GRM1: variants seen among roughly 807,000 people sequenced by gnomAD.
GRM1 encodes glutamate metabotropic receptor 1, also known as metabotropic glutamate receptor 1.
In GRM1, 33 loss-of-function variants were observed where a neutral mutation model predicts 90.9. That is an observed-to-expected ratio of 0.36 (90% CI 0.28 to 0.49). The LOEUF is 0.49. Among genes scored for constraint, GRM1 ranks in the 20% least tolerant of loss-of-function variants. The pLI is 0.99. For synonymous variants in GRM1, 700 were observed against 613.2 expected (o/e 1.14, Z -2.09); for missense variants, 1,190 against 1,534.3 (o/e 0.78, Z 3.75).
At chr6:146,306,328 G>A (rs1313169798) in intron 3 of GRM1, among the ~76,000 whole-genome samples, 1 of 152,132 alleles carries the variant, frequency 6.6e-6, no homozygotes, top group East Asian at 1.9e-4. Flanking sequence ...ATCCAAGACA[G>A]TCTCCTTATT....
Position 146,094,265 on chromosome 6 carries a change from G to A in GRM1, c.700+64048G>A, listed in dbSNP as rs76224826. 1.9e-3 allele frequency among the ~76,000 whole-genome samples: 283 copies of A among 152,174 alleles called. 5 individuals are homozygous for A. The East Asian group carries it at 0.027, about 15-fold the overall frequency. On this transcript the variant is annotated intron_variant, in intron 1 of 7. Coordinates refer to ENST00000282753, the MANE Select transcript of GRM1 (RefSeq NM_001278064.2). ...AATTGTTGAGAAAGTGTGAGTGCTT[G>A]GAATGGTAAATCTGTGGTGACTGTC...
intron 1 of GRM1, among the ~76,000 whole-genome samples, chr6:146,110,126 C>G (rs535861839): frequency 1.3e-5 from 2 of 151,982 alleles, no homozygotes; most frequent in Non-Finnish European, 2.9e-5. Context: ...TGGGAGGGCA[C>G]GATTGGTTTT....
chr6:146,433,928 G>A lies in GRM1; in HGVS notation c.2717G>A (p.Gly906Glu). The A allele has an allele frequency of 6.2e-7, 1 of 1,613,820 alleles. No individual in the cohort carries two copies. Among genetic ancestry groups the A allele is most frequent in the Non-Finnish European group, 8.5e-7 (1 of 1,179,754 alleles). Residue 906 changes from glycine (G) to glutamate (E), a missense_variant, in exon 8 of 8, where the codon GGA becomes GAA. This residue lies in a region of GRM1 where 400 missense variants were observed against 360.8 expected (regional missense o/e 1.11). Coordinates refer to ENST00000282753, the MANE Select transcript of GRM1 (RefSeq NM_001278064.2). ...SEPGGGQVPK[G>E]QHMWHRLSVH... ...CCAGGTGGAGGACAGGTGCCCAAGG[G>A]ACAGCATATGTGGCACCGCCTCTCT...
chr6:146,387,098 C>G, intron 6 of GRM1, 82 bp downstream of exon 6: 1 of 1,246,196 alleles, frequency 8.0e-7, no homozygotes, highest in Non-Finnish European at 1.2e-6. Flanking sequence ...GAATGATTAG[C>G]TCATGTCTTC....
At chr6:146,243,556 G>C (rs1242059402) in intron 2 of GRM1, among the ~76,000 whole-genome samples, 1 of 152,058 alleles carries the variant, frequency 6.6e-6, no homozygotes, top group Non-Finnish European at 1.5e-5. Flanking sequence ...GATTTTCAAA[G>C]GGGAGGGAGT....
intron 2 of GRM1, among the ~76,000 whole-genome samples, chr6:146,227,314 C>T (rs1408947815): frequency 6.6e-6 from 1 of 151,972 alleles, no homozygotes; most frequent in Non-Finnish European, 1.5e-5. Flanking sequence ...GGGGATGAAC[C>T]TACATTGACA....
At chr6:146,377,416 A>G (rs1222961419) in intron 5 of GRM1, among the ~76,000 whole-genome samples, 2 of 152,098 alleles carry the variant, frequency 1.3e-5, no homozygotes, top group African/African-American at 4.8e-5. Context: ...TAGAAATTGG[A>G]GTAAAGGTCA....
At chr6:146,365,373 A>T (rs9403775) in intron 5 of GRM1, 29,897 of 152,188 alleles carry the variant, frequency 0.2, 3,871 homozygotes, top group African/African-American at 0.37. Context: ...ACTCCCACTC[A>T]GACCTATATC....
chr6:146,107,653 A>G (rs1014633972), intron 1 of GRM1, among the ~76,000 whole-genome samples: 1 of 152,222 alleles, frequency 6.6e-6, no homozygotes, highest in Non-Finnish European at 1.5e-5. Flanking sequence ...ATTTGCATTT[A>G]TCTCATAAAC....
At chr6:146,164,305 A>G (rs1777835836) in intron 2 of GRM1, among the ~76,000 whole-genome samples, 2 of 152,156 alleles carry the variant, frequency 1.3e-5, no homozygotes, top group South Asian at 4.1e-4. Flanking sequence ...CAAACTTACT[A>G]CTGAACCATA....
At chr6:146,337,996 T>C (rs1317302173) in intron 3 of GRM1, among the ~76,000 whole-genome samples, 4 of 152,194 alleles carry the variant, frequency 2.6e-5, no homozygotes, top group Admixed American at 6.5e-5. Context: ...TGCTATGATT[T>C]TTCCTGGGGG....
At chr6:146,200,731 G>T (rs1372440662) in intron 2 of GRM1, among the ~76,000 whole-genome samples, 1 of 152,124 alleles carries the variant, frequency 6.6e-6, no homozygotes, top group Non-Finnish European at 1.5e-5. Flanking sequence ...GCATATGAAG[G>T]ATAAGGGGAA....
chr6:146,078,679 G>C (rs1256438994), intron 1 of GRM1, among the ~76,000 whole-genome samples: 1 of 152,152 alleles, frequency 6.6e-6, no homozygotes, highest in Non-Finnish European at 1.5e-5. Flanking sequence ...ATGTTATACA[G>C]TATTTAAAAT....
intron 1 of GRM1, among the ~76,000 whole-genome samples, chr6:146,124,767 A>T (rs554577308): frequency 6.6e-6 from 1 of 152,180 alleles, no homozygotes; most frequent in Non-Finnish European, 1.5e-5. Flanking sequence ...ATAACTTTAA[A>T]TGCATGCTTA....
At chr6:146,404,918 C>A (rs1424646216) in intron 7 of GRM1, among the ~76,000 whole-genome samples, 2 of 152,104 alleles carry the variant, frequency 1.3e-5, no homozygotes, top group African/African-American at 4.8e-5. Context: ...AAATAAAAGC[C>A]TTAAACTAGA....
Position 146,118,210 on chromosome 6 carries a change from G to A in GRM1, c.701-41138G>A, listed in dbSNP as rs547195358. Among the ~76,000 whole-genome samples the A allele has an allele frequency of 1.5e-4, 20 of 133,290 alleles. No homozygotes were observed. The South Asian group carries it at 4.7e-3, about 32-fold the overall frequency. The allele number at this position is 133,290 out of a possible 152,430, so 87.4% of individuals were successfully genotyped here. On this transcript the variant is annotated intron_variant, in intron 1 of 7. Coordinates refer to ENST00000282753, the MANE Select transcript of GRM1 (RefSeq NM_001278064.2). ...GCTGGAGTGCAGTGGTGCGATCTCC[G>A]CTCACTGCAAGCTCCACTTCCTGGG...
At chr6:146,430,444 C>A (rs751706143) in intron 7 of GRM1, among the ~76,000 whole-genome samples, 2 of 152,178 alleles carry the variant, frequency 1.3e-5, no homozygotes, top group Non-Finnish European at 2.9e-5. Flanking sequence ...TCAGGTCTGT[C>A]TTTTGAAGTC....
At chr6:146,088,512 T>C (rs576892600) in intron 1 of GRM1, among the ~76,000 whole-genome samples, 1 of 152,214 alleles carries the variant, frequency 6.6e-6, no homozygotes, top group East Asian at 1.9e-4. Flanking sequence ...GAACCCAGTG[T>C]TTAGTCTAGT....
intron 1 of GRM1, among the ~76,000 whole-genome samples, chr6:146,099,037 A>T (rs1311087221): frequency 6.6e-6 from 1 of 152,196 alleles, no homozygotes; most frequent in East Asian, 1.9e-4. Flanking sequence ...TGTAACTTTC[A>T]CAAAGAAAAG....
Sources: allele counts gnomAD v4.1 joint callset (sites outside exome capture counted in the v4.1 genomes callset), GRCh38; gene constraint gnomAD v4.1.1; regional missense constraint gnomAD v4.1.1; transcripts MANE v1.5; gene names NCBI Gene and HGNC (gene_info 2026-07-23, HGNC 2026-07-21).